Variants in CHN1 observed in about 807,000 individuals in gnomAD.
CHN1 encodes chimerin 1.
A neutral mutation model predicts 59.5 loss-of-function variants in CHN1; 37 were observed. The ratio of observed to expected loss-of-function variants is 0.62; its 90% CI spans 0.48 to 0.82. CHN1 has a LOEUF of 0.82. Ranked by LOEUF, CHN1 falls within the 40% of genes least tolerant of loss-of-function variation. The probability of loss-of-function intolerance (pLI) is 0.00; values close to 1 mark genes in which losing one functional copy is unlikely to be tolerated. For missense variants in CHN1, 469 were observed against 571.0 expected, an observed-to-expected ratio of 0.82 and a Z score of 1.82; for synonymous variants, 206 against 200.4, an observed-to-expected ratio of 1.03 and a Z score of -0.24.
chr2:174,840,558 G>A (rs904802839), intron 7 of CHN1, among the ~76,000 whole-genome samples: 8 of 152,046 alleles, frequency 5.3e-5, no homozygotes, highest in African/African-American at 1.7e-4. Flanking sequence ...GTCAAGGACC[G>A]TACATTACAT....
intron 6 of CHN1, among the ~76,000 whole-genome samples, chr2:174,859,592 C>A (rs943034538): frequency 6.6e-6 from 1 of 152,224 alleles, no homozygotes; most frequent in Non-Finnish European, 1.5e-5. Flanking sequence ...TTACATTCCA[C>A]AAAGTGATAT....
At chr2:174,899,756 G>A (rs959426844) in intron 5 of CHN1, among the ~76,000 whole-genome samples, 7 of 152,284 alleles carry the variant, frequency 4.6e-5, no homozygotes, top group Middle Eastern at 3.4e-3. Context: ...AAGTAGAGTT[G>A]ACATCAATAA....
intron 7 of CHN1, chr2:174,846,454 C>G: frequency 6.6e-7 from 1 of 1,520,464 alleles, no homozygotes; most frequent in Non-Finnish European, 8.8e-7. Flanking sequence ...GAAATGCAAA[C>G]CATCTGCTCA....
intron 1 of CHN1, among the ~76,000 whole-genome samples, chr2:174,997,440 T>C (rs1574257476): frequency 6.6e-6 from 1 of 152,338 alleles, no homozygotes; most frequent in East Asian, 1.9e-4. Context: ...TGTTCATCCA[T>C]AAGCTGAAAT....
At chr2:174,897,310 T>C (rs1688246995) in intron 5 of CHN1, among the ~76,000 whole-genome samples, 1 of 152,202 alleles carries the variant, frequency 6.6e-6, no homozygotes. Flanking sequence ...CTTTTGTATT[T>C]TGGCAGAGCA....
chr2:174,963,929 T>C (rs888001224), intron 1 of CHN1, among the ~76,000 whole-genome samples: 3 of 152,150 alleles, frequency 2.0e-5, no homozygotes, highest in African/African-American at 7.2e-5. Flanking sequence ...TGAGACATTC[T>C]CCTCGAGACT....
chr2:174,846,450 C>T, intron 7 of CHN1: 1 of 1,524,000 alleles, frequency 6.6e-7, no homozygotes. Flanking sequence ...ATGAGAAATG[C>T]AAACCATCTG....
At chr2:174,839,960 A>C (rs1296860001) in intron 7 of CHN1, among the ~76,000 whole-genome samples, 1 of 151,914 alleles carries the variant, frequency 6.6e-6, no homozygotes, top group African/African-American at 2.4e-5. Flanking sequence ...CACACACAAA[A>C]AAAAATCTCT....
intron 3 of CHN1, among the ~76,000 whole-genome samples, chr2:174,939,025 A>G (rs973116497): frequency 6.6e-6 from 1 of 152,196 alleles, no homozygotes; most frequent in Non-Finnish European, 1.5e-5. Flanking sequence ...GAAAATGTCA[A>G]TTGTACAATT....
rs189139133 is a variant in CHN1, at chr2:174,841,603, A to T, written c.627+5277T>A. On this transcript the variant is annotated intron_variant, in intron 7 of 12. Transcript: ENST00000409900. ...GGCCCACATTGAGAACTGGGGAAAG[A>T]GTGTGTGTGTGTGCATGTGTACAAC... 6.6e-5 allele frequency among the ~76,000 whole-genome samples: 10 copies of T among 151,962 alleles called. No homozygotes were observed. In the East Asian group the frequency reaches 1.9e-3, roughly 29 times the overall value.
intron 1 of CHN1, among the ~76,000 whole-genome samples, chr2:174,959,812 T>C (rs1028976016): frequency 6.6e-6 from 1 of 152,168 alleles, no homozygotes; most frequent in Non-Finnish European, 1.5e-5. Context: ...GTACACTAAA[T>C]CCTTCAGTAA....
intron 5 of CHN1, among the ~76,000 whole-genome samples, chr2:174,914,181 G>C (rs190631338): frequency 1.1e-4 from 17 of 152,298 alleles, no homozygotes; most frequent in African/African-American, 4.1e-4. Flanking sequence ...GAGTTGTTGC[G>C]AGGATTAAAT....
Position 175,005,317 on chromosome 2 carries a change from G to C in CHN1, c.-405C>G. 1 of 1,172,612 alleles carries C rather than the reference G, an allele frequency of 8.5e-7. No individual in the cohort carries two copies. Among genetic ancestry groups the C allele is most frequent in the Non-Finnish European group, 1.1e-6 (1 of 933,550 alleles). 72.6% of individuals were successfully genotyped at this position (1,172,612 alleles called of 1,614,324 possible). A position where few individuals can be genotyped will look rare whatever the true frequency, so the allele number is the denominator to read the frequency against. ...GCAGCAGCAGCCTCGCACAGCCCCC[G>C]GCGGGGCGCGCTCACTCCGCATCCC... On this transcript the variant is annotated 5_prime_UTR_variant, in exon 1 of 13. Transcript: ENST00000409900.
At chr2:174,828,260 GC>G (rs991955596) in intron 7 of CHN1, among the ~76,000 whole-genome samples, 4 of 152,114 alleles carry the variant, frequency 2.6e-5, no homozygotes, top group African/African-American at 9.7e-5. Context: ...TCAGAGAAGG[GC>G]CACTGGACTT....
rs543223283 is a variant in CHN1, at chr2:174,853,316, T to A, written c.550-6359A>T. On this transcript the variant is annotated intron_variant, in intron 6 of 12. Transcript: ENST00000409900. ...AACAAACACTTCTCAAAGGAAGACA[T>A]ATAAATGGCTGACAAACATATGAAA... Among the ~76,000 whole-genome samples the A allele has an allele frequency of 6.0e-5, 9 of 151,138 alleles. No homozygotes were observed. In the South Asian group the frequency reaches 1.7e-3, roughly 28 times the overall value.
intron 11 of CHN1, among the ~76,000 whole-genome samples, chr2:174,805,675 C>T (rs144946743): frequency 1.5e-3 from 232 of 152,060 alleles, no homozygotes; most frequent in African/African-American, 5.3e-3. Flanking sequence ...GAACATTGTC[C>T]GAGAAGGAAA....
intron 6 of CHN1, among the ~76,000 whole-genome samples, chr2:174,857,286 C>G (rs1046151966): frequency 6.6e-6 from 1 of 152,126 alleles, no homozygotes; most frequent in African/African-American, 2.4e-5. Context: ...CACTTTAGGT[C>G]TGTGCTTGAA....
intron 6 of CHN1, among the ~76,000 whole-genome samples, chr2:174,864,965 A>ATTG (rs1295697652): frequency 1.3e-5 from 2 of 152,136 alleles, no homozygotes; most frequent in East Asian, 3.8e-4. Flanking sequence ...TTATTTATTT[A>ATTG]TTGTTGTTGT....
chr2:174,923,138 AT>A lies in CHN1; in HGVS notation c.115-4574del, dbSNP rs1314898932. On this transcript the variant is annotated intron_variant, in intron 3 of 12. Coordinates refer to ENST00000409900, the MANE Select transcript of CHN1 (RefSeq NM_001822.7). ...ACCTAATATCGCCTTTAACAATATA[AT>A]TTTTTTTTTTTTTCTTTTTGAGACG... Among the ~76,000 whole-genome samples, 1,206 of 145,996 alleles carry A rather than the reference AT, an allele frequency of 8.3e-3. 15 individuals are homozygous for A. Among genetic ancestry groups the A allele is most frequent in the African/African-American group, 0.024 (942 of 39,944 alleles).
Sources: allele counts gnomAD v4.1 joint callset (sites outside exome capture counted in the v4.1 genomes callset), GRCh38; gene constraint gnomAD v4.1.1; transcripts MANE v1.5; gene names NCBI Gene and HGNC (gene_info 2026-07-23, HGNC 2026-07-21).